PKNOX1: variants seen among roughly 807,000 people sequenced by gnomAD.
The protein encoded by PKNOX1 is homeobox protein PKNOX1.
In PKNOX1, 15 loss-of-function variants were observed where a neutral mutation model predicts 51.9. That is an observed-to-expected ratio of 0.29 (90% CI 0.19 to 0.45). The LOEUF (loss-of-function observed/expected upper bound fraction) is 0.45, where lower values mean the gene tolerates loss of function less well. PKNOX1 is among the 20% of genes least tolerant of loss of function. PKNOX1 has a pLI of 1.00. For missense variants in PKNOX1, 462 were observed against 547.5 expected (o/e 0.84, Z 1.56); for synonymous variants, 219 against 211.1 (o/e 1.04, Z -0.32).
intron 9 of PKNOX1, chr21:43,028,469 A>C: frequency 2.0e-6 from 1 of 504,574 alleles, no homozygotes; most frequent in Non-Finnish European, 3.5e-6. Flanking sequence ...AATGCCATGG[A>C]CGAGTTGGTG....
chr21:42,986,847 T>C lies in PKNOX1; in HGVS notation c.-57+12183T>C, dbSNP rs141900359. ...TAAATGCCTCAGTGTTACTGTTTGC[T>C]AGAACTGGAATTACCCTAGAATTTC... On this transcript the variant is annotated intron_variant, in intron 1 of 10. Coordinates refer to ENST00000291547, the MANE Select transcript of PKNOX1 (RefSeq NM_004571.5). 8.5e-4 allele frequency among the ~76,000 whole-genome samples: 130 copies of C among 152,258 alleles called. 2 individuals carry two copies. The East Asian group carries it at 0.021, about 24-fold the overall frequency.
At position 43,032,161 on chromosome 21, in the gene PKNOX1, A is replaced by G; in HGVS notation, c.*2060A>G. ...AGGTGTGAGCCACCGCGCCCGGCCGAGAATGACATCTTAAAGCCACCATTG... is the reference window on the plus strand; with the variant it reads ...AGGTGTGAGCCACCGCGCCCGGCCGGGAATGACATCTTAAAGCCACCATTG... On this transcript the variant is annotated 3_prime_UTR_variant, in exon 11 of 11. Transcript: ENST00000291547. 1 of 456,200 alleles carries G rather than the reference A, an allele frequency of 2.2e-6. No individual in the cohort carries two copies. The highest frequency in any genetic ancestry group is 4.4e-6 in the Non-Finnish European group (1 of 226,928). 28.3% of individuals were successfully genotyped at this position (456,200 alleles called of 1,614,324 possible). A position where few individuals can be genotyped will look rare whatever the true frequency, so the allele number is the denominator to read the frequency against.
chr21:42,989,214 A>G (rs1222368015), intron 1 of PKNOX1, among the ~76,000 whole-genome samples: 1 of 151,980 alleles, frequency 6.6e-6, no homozygotes, highest in Non-Finnish European at 1.5e-5. Flanking sequence ...CCTGGACTCA[A>G]GCAATATTCC....
intron 9 of PKNOX1, among the ~76,000 whole-genome samples, chr21:43,025,847 G>C (rs1979964263): frequency 6.6e-6 from 1 of 152,186 alleles, no homozygotes; most frequent in South Asian, 2.1e-4. Flanking sequence ...TTGTGCAGTC[G>C]TGTGTGCGGG....
chr21:43,019,925 ATT>A (rs60174298), intron 7 of PKNOX1, among the ~76,000 whole-genome samples: 34,268 of 85,662 alleles, frequency 0.4, 6,447 homozygotes, highest in Middle Eastern at 0.44. Flanking sequence ...AGGTGCTCTG[ATT>A]TTTTTTTTTT....
At chr21:42,995,248 TTA>T (rs1192357702) in intron 1 of PKNOX1, among the ~76,000 whole-genome samples, 3 of 152,166 alleles carry the variant, frequency 2.0e-5, no homozygotes, top group Non-Finnish European at 4.4e-5. Context: ...GCCAGTTTCT[TTA>T]TAGAGTGCCT....
At chr21:43,028,895 C>T in intron 10 of PKNOX1, 21 bp downstream of exon 10, 2 of 1,612,700 alleles carry the variant, frequency 1.2e-6, no homozygotes, top group Non-Finnish European at 1.7e-6. Flanking sequence ...CCGGCCAAGG[C>T]CAGACATGGT....
At chr21:43,018,774 G>A (rs1287287771) in intron 7 of PKNOX1, among the ~76,000 whole-genome samples, 2 of 152,056 alleles carry the variant, frequency 1.3e-5, no homozygotes, top group African/African-American at 4.8e-5. Context: ...CGTCTTTGGT[G>A]TGTGTTATCA....
At chr21:42,987,252 C>T (rs1335053134) in intron 1 of PKNOX1, among the ~76,000 whole-genome samples, 1 of 150,772 alleles carries the variant, frequency 6.6e-6, no homozygotes, top group African/African-American at 2.4e-5. Flanking sequence ...CGTGGTGGCG[C>T]ATGCCTGTAA....
chr21:43,020,411 G>C (rs189502430), intron 7 of PKNOX1: 13 of 152,442 alleles, frequency 8.5e-5, no homozygotes, highest in Admixed American at 8.5e-4. Context: ...CCAGGGCCTG[G>C]AGCACGGCCT....
At chr21:43,001,294 T>G (rs1978740353) in intron 1 of PKNOX1, among the ~76,000 whole-genome samples, 1 of 152,246 alleles carries the variant, frequency 6.6e-6, no homozygotes, top group African/African-American at 2.4e-5. Context: ...GTGGCTCCCA[T>G]GCCGTGTTGC....
chr21:43,007,557 G>A lies in PKNOX1; in HGVS notation c.118G>A (p.Val40Met), dbSNP rs1183567197. 6.2e-7 allele frequency: 1 copy of A among 1,614,160 alleles called. No homozygotes were observed. Among genetic ancestry groups the A allele is most frequent in the South Asian group, 1.1e-5 (1 of 91,084 alleles). Residue 40 changes from valine (V) to methionine (M), a missense_variant, in exon 3 of 11, where the codon GTG (valine) becomes ATG (methionine). Physicochemically the swap from Val to Met is conservative, Grantham distance 21 (BLOSUM62 1). This residue lies in a region of PKNOX1 where 129 missense variants were observed against 133.4 expected (regional missense o/e 0.97). Coordinates refer to ENST00000291547, the MANE Select transcript of PKNOX1 (RefSeq NM_004571.5). ...PNCSEPDAEG[V>M]SPPPVESQTP... is the part of the protein sequence containing the mutation. Reference sequence around the variant, plus strand: ...CTGCTCTGAACCCGATGCAGAAGGAGTGAGCCCTCCCCCTGTGGAGTCTCA... The same window carrying A: ...CTGCTCTGAACCCGATGCAGAAGGAATGAGCCCTCCCCCTGTGGAGTCTCA...
chr21:43,003,929 A>G (rs1329261467), intron 1 of PKNOX1: 1 of 158,468 alleles, frequency 6.3e-6, no homozygotes, highest in Non-Finnish European at 1.4e-5. Context: ...ATGTAAAAAT[A>G]TGTATTTTTA....
chr21:43,027,359 T>C (rs1980027161), intron 9 of PKNOX1, among the ~76,000 whole-genome samples: 1 of 152,146 alleles, frequency 6.6e-6, no homozygotes, highest in Admixed American at 6.5e-5. Flanking sequence ...CCATTTCAGC[T>C]CTTTTTGTAG....
rs370348927 is a variant in PKNOX1 at position 43,023,384 on chromosome 21, G to T, written c.850-1487G>T. ...TGATGGGCAGGGGTGTTTCCACGCC[G>T]CACTCAGTGTTCCTTTCACGTCAAA... On this transcript the variant is annotated intron_variant, in intron 8 of 10. Transcript: ENST00000291547. Among the ~76,000 whole-genome samples, 22 of 152,090 alleles carry T rather than the reference G, an allele frequency of 1.4e-4. No individual in the cohort carries two copies. In the East Asian group the frequency reaches 4.3e-3, roughly 29 times the overall value.
intron 5 of PKNOX1, among the ~76,000 whole-genome samples, chr21:43,014,863 C>T (rs1252880212): frequency 6.6e-6 from 1 of 152,178 alleles, no homozygotes; most frequent in African/African-American, 2.4e-5. Flanking sequence ...TTTGCCTGTC[C>T]ACATAAATTT....
intron 1 of PKNOX1, among the ~76,000 whole-genome samples, chr21:42,981,746 C>G (rs980953575): frequency 5.9e-5 from 9 of 152,184 alleles, no homozygotes; most frequent in Non-Finnish European, 1.3e-4. Flanking sequence ...TTGCCGTCTG[C>G]GATTGACGCT....
At chr21:42,979,483 C>G (rs1012708770) in intron 1 of PKNOX1, among the ~76,000 whole-genome samples, 3 of 152,124 alleles carry the variant, frequency 2.0e-5, no homozygotes, top group African/African-American at 7.2e-5. Context: ...TGGCTGACGC[C>G]TGTAATCCCA....
In PKNOX1 at chr21:43,029,739, G is replaced by GT. The variant is rs1003977353; in HGVS notation, c.1100-148dup. On this transcript the variant is annotated intron_variant, in intron 10 of 10. Transcript: ENST00000291547. ...AGCTACCGCGCCCGGCCCAGAAACAGTTTCTTAAATCCCTGTTGAACATTC... is the reference window on the plus strand; with the variant it reads ...AGCTACCGCGCCCGGCCCAGAAACAGTTTTCTTAAATCCCTGTTGAACATTC... The GT allele has an allele frequency of 6.9e-6, 5 of 728,866 alleles. No homozygotes were observed. In the African/African-American group the frequency reaches 8.9e-5, roughly 13 times the overall value. 45.1% of individuals were successfully genotyped at this position (728,866 alleles called of 1,614,324 possible).
Sources: gnomAD v4.1 joint callset for allele counts (sites outside exome capture counted in the v4.1 genomes callset) on GRCh38, gnomAD v4.1.1 for gene constraint, gnomAD v4.1.1 regional missense constraint, MANE v1.5 for transcripts, NCBI Gene and HGNC (gene_info 2026-07-23, HGNC 2026-07-21) for gene names.